Variants in CADM2 observed in about 807,000 individuals in gnomAD.
CADM2 encodes the protein immunoglobulin superfamily member 4D.
In CADM2, 12 loss-of-function variants were observed where a neutral mutation model predicts 49.8. The ratio of observed to expected loss-of-function variants is 0.24; its 90% CI spans 0.15 to 0.39. The LOEUF is 0.39. Among genes scored for constraint, CADM2 ranks in the 10% least tolerant of loss-of-function variants. CADM2 has a pLI of 1.00. For missense variants in CADM2, 378 were observed against 492.3 expected (o/e 0.77, Z 2.20); for synonymous variants, 214 against 175.4 (o/e 1.22, Z -1.74).
chr3:85,474,281 G>A lies in CADM2; in HGVS notation c.62-252241G>A, dbSNP rs138832256. Among the ~76,000 whole-genome samples the A allele has an allele frequency of 1.5e-3, 225 of 151,872 alleles. 2 individuals are homozygous for A. The highest frequency in any genetic ancestry group is 5.3e-3 in the African/African-American group (220 of 41,464). On this transcript the variant is annotated intron_variant, in intron 1 of 9. Transcript: ENST00000383699. ...CTCTGCAGAGTAGGCTAGAGACCTA[G>A]GTAAGTGTTGAAGTTGGAGTCCGAA...
intron 8 of CADM2, among the ~76,000 whole-genome samples, chr3:85,989,702 A>G (rs1450291259): frequency 6.6e-6 from 1 of 152,080 alleles, no homozygotes; most frequent in Non-Finnish European, 1.5e-5. Context: ...ATAGGCATAC[A>G]TACTACAAGT....
intron 9 of CADM2, 22 bp from the exon 10 acceptor site, chr3:86,066,643 A>G (rs761635538): frequency 3.9e-6 from 6 of 1,523,590 alleles, no homozygotes; most frequent in Non-Finnish European, 5.5e-6. Flanking sequence ...GAGCTAACAT[A>G]TTTTTCTTCC....
chr3:85,953,629 G>A (rs1032497939), intron 7 of CADM2, among the ~76,000 whole-genome samples: 1 of 150,852 alleles, frequency 6.6e-6, no homozygotes, highest in Non-Finnish European at 1.5e-5. Flanking sequence ...CTTACTGTAT[G>A]CTACCAAATA....
intron 1 of CADM2, among the ~76,000 whole-genome samples, chr3:85,510,093 T>TA (rs2040545438): frequency 6.6e-6 from 1 of 151,956 alleles, no homozygotes; most frequent in African/African-American, 2.4e-5. Context: ...AAGAAATACT[T>TA]ATAAGCAAAA....
chr3:85,727,992 T>C (rs972409097), intron 2 of CADM2, among the ~76,000 whole-genome samples: 10 of 152,090 alleles, frequency 6.6e-5, no homozygotes, highest in African/African-American at 1.4e-4. Context: ...GATGATGCAA[T>C]AGACAATGGA....
At chr3:86,060,918 G>A (rs1738558115) in intron 8 of CADM2, among the ~76,000 whole-genome samples, 1 of 151,922 alleles carries the variant, frequency 6.6e-6, no homozygotes, top group African/African-American at 2.4e-5. Context: ...GGAGGTGGAG[G>A]TTGCAGTGAG....
At chr3:85,353,508 A>AT (rs754196596) in intron 1 of CADM2, among the ~76,000 whole-genome samples, 2 of 141,176 alleles carry the variant, frequency 1.4e-5, no homozygotes, top group African/African-American at 2.6e-5. Context: ...TATTAATTAT[A>AT]TTTTTTCTGT....
rs545313111 is a variant in CADM2 at position 84,994,656 on chromosome 3, A to C, written c.61+34988A>C. Among the ~76,000 whole-genome samples the C allele has an allele frequency of 2.6e-5, 4 of 152,324 alleles. No homozygotes were observed. The South Asian group carries it at 8.3e-4, about 32-fold the overall frequency. Reference sequence around the variant, plus strand: ...ACATTACTATAACAAGAAAATGTGTAGAGTATGACTTAATAAACTGCTTTA... The same window carrying C: ...ACATTACTATAACAAGAAAATGTGTCGAGTATGACTTAATAAACTGCTTTA... On this transcript the variant is annotated intron_variant, in intron 1 of 9. Coordinates refer to ENST00000383699, the MANE Select transcript of CADM2 (RefSeq NM_001167675.2).
At chr3:85,605,204 T>G (rs2063512141) in intron 1 of CADM2, among the ~76,000 whole-genome samples, 1 of 152,000 alleles carries the variant, frequency 6.6e-6, no homozygotes, top group Non-Finnish European at 1.5e-5. Flanking sequence ...GCATGTATAA[T>G]AAGAAGAATA....
intron 5 of CADM2, among the ~76,000 whole-genome samples, chr3:85,891,804 G>A (rs1714467978): frequency 6.6e-6 from 1 of 152,162 alleles, no homozygotes; most frequent in African/African-American, 2.4e-5. Context: ...AACAATCAGA[G>A]AGCTTGAAGA....
chr3:85,802,117 C>A lies in CADM2; in HGVS notation c.159C>A (p.Cys53Ter). 1 of 1,613,306 alleles carries A rather than the reference C, an allele frequency of 6.2e-7. No homozygotes were observed. The highest frequency in any genetic ancestry group is 8.5e-7 in the Non-Finnish European group (1 of 1,179,534). ...VVEGGTAILT[C>*]RVDQNDNTSL... ...AAGGTGGAACTGCAATTTTGACCTGCAGGGTTGATCAAAATGATAACACCT... is the reference window on the plus strand; with the variant it reads ...AAGGTGGAACTGCAATTTTGACCTGAAGGGTTGATCAAAATGATAACACCT... Residue 53 changes from cysteine to a stop codon, truncating the protein, a stop_gained, in exon 3 of 10, where the codon TGC becomes TGA. Coordinates refer to ENST00000383699, the MANE Select transcript of CADM2 (RefSeq NM_001167675.2). LOFTEE classifies it high-confidence loss of function.
chr3:85,389,490 A>G (rs564953109), intron 1 of CADM2, among the ~76,000 whole-genome samples: 1 of 152,172 alleles, frequency 6.6e-6, no homozygotes, highest in African/African-American at 2.4e-5. Flanking sequence ...ATTTTTCTGT[A>G]TCTATTCTAC....
chr3:85,487,646 G>A (rs1035289199), intron 1 of CADM2, among the ~76,000 whole-genome samples: 2 of 151,840 alleles, frequency 1.3e-5, no homozygotes, highest in African/African-American at 4.8e-5. Context: ...CGAAGAGGAG[G>A]AGGAGGAGGA....
intron 1 of CADM2, among the ~76,000 whole-genome samples, chr3:85,141,318 G>A (rs2039569222): frequency 6.6e-6 from 1 of 152,146 alleles, no homozygotes; most frequent in Non-Finnish European, 1.5e-5. Context: ...AAATTGGGAT[G>A]ACAGCAGTAC....
intron 1 of CADM2, among the ~76,000 whole-genome samples, chr3:85,611,656 A>G (rs968693780): frequency 6.6e-6 from 1 of 151,662 alleles, no homozygotes; most frequent in African/African-American, 2.4e-5. Context: ...ACATAGACCC[A>G]CTGTCCCTGA....
chr3:85,582,575 C>T (rs1414842422), intron 1 of CADM2, among the ~76,000 whole-genome samples: 3 of 152,148 alleles, frequency 2.0e-5, no homozygotes, highest in Admixed American at 2.0e-4. Context: ...AGTGTTCTTA[C>T]ATGGAAGATG....
At chr3:85,508,998 A>G (rs1230158468) in intron 1 of CADM2, among the ~76,000 whole-genome samples, 1 of 152,152 alleles carries the variant, frequency 6.6e-6, no homozygotes, top group Non-Finnish European at 1.5e-5. Context: ...AATATATTAA[A>G]TCATATTTTA....
At position 85,685,002 on chromosome 3, in the gene CADM2, G is replaced by A. The variant is rs558004477; in HGVS notation, c.62-41520G>A. ...GAATCGGCCGGGCGCGGTAGCTCTC[G>A]CCTGTAATCCCAGCAAGAGGAGGGT... On this transcript the variant is annotated intron_variant, in intron 1 of 9. Transcript: ENST00000383699. Among the ~76,000 whole-genome samples the A allele has an allele frequency of 2.0e-5, 3 of 152,210 alleles. No individual in the cohort carries two copies. The East Asian group carries it at 5.8e-4, about 29-fold the overall frequency.
At chr3:86,022,880 GCAGAATCAAA>G (rs1401208235) in intron 8 of CADM2, among the ~76,000 whole-genome samples, 1 of 152,010 alleles carries the variant, frequency 6.6e-6, no homozygotes, top group Non-Finnish European at 1.5e-5. Flanking sequence ...ATAAACGTTT[GCAGAATCAAA>G]CATAATATGG....
Sources: allele counts gnomAD v4.1 joint callset (sites outside exome capture counted in the v4.1 genomes callset), GRCh38; gene constraint gnomAD v4.1.1; transcripts MANE v1.5; gene names NCBI Gene and HGNC (gene_info 2026-07-23, HGNC 2026-07-21).